MINDY2: variants seen among roughly 807,000 people sequenced by gnomAD.
The protein encoded by MINDY2 is ubiquitin carboxyl-terminal hydrolase MINDY-2.
A neutral mutation model predicts 68.2 loss-of-function variants in MINDY2; 52 were observed. The ratio of observed to expected loss-of-function variants is 0.76; its 90% CI spans 0.61 to 0.96. MINDY2 has a LOEUF of 0.96. Among genes scored for constraint, MINDY2 ranks in the 40% least tolerant of loss-of-function variants. The pLI is 0.00. For synonymous variants in MINDY2, 372 were observed against 303.0 expected (o/e 1.23, Z -2.36); for missense variants, 881 against 773.4 (o/e 1.14, Z -1.65).
chr15:58,821,777 A>G lies in MINDY2; in HGVS notation c.1183A>G (p.Ile395Val), dbSNP rs1473146395. The G allele has an allele frequency of 6.3e-7, 1 of 1,590,942 alleles. No homozygotes were observed. Among genetic ancestry groups the G allele is most frequent in the Non-Finnish European group, 8.5e-7 (1 of 1,171,744 alleles). ...CSYNQLVEKI[I>V]SCKQSDNSEL... Reference sequence around the variant, plus strand: ...CTACAACCAACTAGTGGAGAAGATCATCTCTTGTAAACAGTCAGACAATAG... The same window carrying G: ...CTACAACCAACTAGTGGAGAAGATCGTCTCTTGTAAACAGTCAGACAATAG... Residue 395 changes from isoleucine to valine, a missense_variant, in exon 5 of 9, where the codon ATC (isoleucine) becomes GTC (valine). Coordinates refer to ENST00000559228, the MANE Select transcript of MINDY2 (RefSeq NM_001040450.3).
intron 3 of MINDY2, among the ~76,000 whole-genome samples, chr15:58,804,533 C>A (rs539686214): frequency 6.6e-6 from 1 of 152,126 alleles, no homozygotes; most frequent in Non-Finnish European, 1.5e-5. Context: ...AAGCACCAGG[C>A]GTGGTGGCTC....
chr15:58,794,983 C>T (rs1470888105), intron 2 of MINDY2, among the ~76,000 whole-genome samples: 1 of 148,682 alleles, frequency 6.7e-6, no homozygotes, highest in African/African-American at 2.4e-5. Flanking sequence ...GTCAGGAGAT[C>T]GAGACCACGG....
chr15:58,814,692 T>C (rs1377907797), intron 4 of MINDY2, among the ~76,000 whole-genome samples: 2 of 152,098 alleles, frequency 1.3e-5, no homozygotes, highest in Non-Finnish European at 2.9e-5. Flanking sequence ...TTTTTTTATT[T>C]GGCTATGTGT....
At chr15:58,778,512 A>C (rs575699226) in intron 1 of MINDY2, among the ~76,000 whole-genome samples, 1 of 151,904 alleles carries the variant, frequency 6.6e-6, no homozygotes, top group South Asian at 2.1e-4. Flanking sequence ...TAAAATAAAA[A>C]AAAGCTTAAA....
rs765107261 is a variant in MINDY2, at chr15:58,771,921, C to T, written c.526C>T (p.Leu176=). 6 of 1,555,788 alleles carry T rather than the reference C, an allele frequency of 3.9e-6. No individual in the cohort carries two copies. In the African/African-American group the frequency reaches 8.2e-5, roughly 21 times the overall value. ...PPGESPSLDS[L]ESFSNLHSFP... ...TGGGGAATCTCCGAGCCTGGACTCT[C>T]TGGAGTCGTTCTCTAACCTGCATTC... The change falls in exon 1 of 9, where the codon CTG becomes TTG. Residue 176 remains leucine (L), a synonymous_variant. Transcript: ENST00000559228.
At chr15:58,839,855 CAG>C (rs2032192047) in intron 6 of MINDY2, among the ~76,000 whole-genome samples, 1 of 143,338 alleles carries the variant, frequency 7.0e-6, no homozygotes, top group Non-Finnish European at 1.5e-5. Context: ...CTTTTTGGGA[CAG>C]AGTCTCACTC....
intron 2 of MINDY2, among the ~76,000 whole-genome samples, chr15:58,794,948 G>A (rs1442798316): frequency 1.3e-5 from 2 of 152,036 alleles, no homozygotes; most frequent in African/African-American, 2.4e-5. Flanking sequence ...AGTACTTTGG[G>A]AGGCCGAGGT....
At chr15:58,827,778 A>T (rs1319389521) in intron 5 of MINDY2, among the ~76,000 whole-genome samples, 3 of 152,058 alleles carry the variant, frequency 2.0e-5, no homozygotes, top group African/African-American at 7.2e-5. Context: ...ATCCATTATC[A>T]TTATTCTTTT....
Position 58,849,193 on chromosome 15 carries a change from G to C in MINDY2, c.1542+1723G>C, listed in dbSNP as rs2032691709. On this transcript the variant is annotated intron_variant, in intron 7 of 8. Transcript: ENST00000559228. ...CCATTGCACTCCAACATGGGTGACA[G>C]AGCAAGAGTCTGTCTCAAAAAAAAA... Among the ~76,000 whole-genome samples, 4 of 147,870 alleles carry C rather than the reference G, an allele frequency of 2.7e-5. No individual in the cohort carries two copies. The Admixed American group carries it at 2.7e-4, about 10-fold the overall frequency.
intron 2 of MINDY2, among the ~76,000 whole-genome samples, chr15:58,788,571 C>A (rs1901662275): frequency 6.6e-6 from 1 of 152,182 alleles, no homozygotes; most frequent in Non-Finnish European, 1.5e-5. Context: ...TGTAGACTGG[C>A]TACATTGAGT....
intron 4 of MINDY2, among the ~76,000 whole-genome samples, chr15:58,819,952 GT>G (rs2030954471): frequency 6.6e-6 from 1 of 152,050 alleles, no homozygotes; most frequent in Non-Finnish European, 1.5e-5. Context: ...ACATTTTTGT[GT>G]TTTAAGTTAA....
chr15:58,823,985 A>G (rs2031237027), intron 5 of MINDY2, among the ~76,000 whole-genome samples: 2 of 152,218 alleles, frequency 1.3e-5, no homozygotes, highest in Admixed American at 6.5e-5. Context: ...GTAATGTCCA[A>G]TATACCAGAG....
intron 1 of MINDY2, among the ~76,000 whole-genome samples, chr15:58,784,042 A>G (rs1901325479): frequency 6.6e-6 from 1 of 151,970 alleles, no homozygotes; most frequent in East Asian, 1.9e-4. Flanking sequence ...ATAATTTTCC[A>G]GGGCCGAGTG....
At chr15:58,791,253 A>ATATATATATATCTATC (rs1567043806) in intron 2 of MINDY2, among the ~76,000 whole-genome samples, 1 of 128,568 alleles carries the variant, frequency 7.8e-6, no homozygotes, top group Admixed American at 7.9e-5. Flanking sequence ...ATATATATAT[A>ATATATATATATCTATC]TATCTTGAGT....
intron 5 of MINDY2, among the ~76,000 whole-genome samples, chr15:58,826,440 G>A (rs2031401226): frequency 6.6e-6 from 1 of 152,014 alleles, no homozygotes; most frequent in South Asian, 2.1e-4. Flanking sequence ...TGTTGGTCAA[G>A]CTGGTCTCGA....
At chr15:58,845,807 A>G (rs1487288822) in intron 6 of MINDY2, among the ~76,000 whole-genome samples, 1 of 152,216 alleles carries the variant, frequency 6.6e-6, no homozygotes, top group African/African-American at 2.4e-5. Flanking sequence ...GTGTCCATTG[A>G]CAGACAAGTG....
chr15:58,775,053 G>A (rs1186549056), intron 1 of MINDY2, among the ~76,000 whole-genome samples: 1 of 152,130 alleles, frequency 6.6e-6, no homozygotes, highest in African/African-American at 2.4e-5. Flanking sequence ...TGAGCCAGGG[G>A]TACTAGAAGT....
At chr15:58,801,380 TAAAAAAAAAAAAAAAAA>T (rs1188514448) in intron 2 of MINDY2, among the ~76,000 whole-genome samples, 2 of 22,590 alleles carry the variant, frequency 8.9e-5, no homozygotes, top group African/African-American at 1.3e-4. Context: ...CCCCATCTCT[TAAAAAAAAAAAAAAAAA>T]AAAAAAAAAA....
At chr15:58,785,887 C>T (rs774212936) in intron 1 of MINDY2, among the ~76,000 whole-genome samples, 23 of 152,192 alleles carry the variant, frequency 1.5e-4, no homozygotes, top group East Asian at 3.9e-4. Context: ...CCAAGTTGGC[C>T]AGGCTCGTCT....
Sources: gnomAD v4.1 joint callset for allele counts (sites outside exome capture counted in the v4.1 genomes callset) on GRCh38, gnomAD v4.1.1 for gene constraint, MANE v1.5 for transcripts, NCBI Gene and HGNC (gene_info 2026-07-23, HGNC 2026-07-21) for gene names.